TRAPPC9: variants seen among roughly 807,000 people sequenced by gnomAD.
The protein encoded by TRAPPC9 is IKK2 binding protein.
Under a neutral mutation model 124.0 loss-of-function variants are expected in TRAPPC9, and 83 were observed. The ratio of observed to expected loss-of-function variants is 0.67; its 90% CI spans 0.56 to 0.80. TRAPPC9 has a LOEUF of 0.80. TRAPPC9 is among the 30% of genes least tolerant of loss of function. The probability of loss-of-function intolerance (pLI) is 0.00; values close to 1 mark genes in which losing one functional copy is unlikely to be tolerated. For missense variants in TRAPPC9, 1,302 were observed against 1,508.3 expected (o/e 0.86, Z 2.27); for synonymous variants, 638 against 617.5 (o/e 1.03, Z -0.49).
chr8:140,231,402 A>T (rs1372795027), intron 16 of TRAPPC9, among the ~76,000 whole-genome samples: 1 of 152,160 alleles, frequency 6.6e-6, no homozygotes, highest in Non-Finnish European at 1.5e-5. Context: ...TTCCAGCAAA[A>T]AGAGAGAAAA....
At chr8:139,841,403 G>C (rs1474014572) in intron 21 of TRAPPC9, among the ~76,000 whole-genome samples, 1 of 152,256 alleles carries the variant, frequency 6.6e-6, no homozygotes, top group East Asian at 1.9e-4. Flanking sequence ...TGGGGGCACA[G>C]GAGCCTGCTG....
At chr8:140,253,934 T>G (rs937344008) in intron 15 of TRAPPC9, among the ~76,000 whole-genome samples, 11 of 152,124 alleles carry the variant, frequency 7.2e-5, no homozygotes, top group African/African-American at 2.7e-4. Context: ...CACCACAGGG[T>G]TATTTTACAG....
At chr8:140,161,391 G>A (rs765956477) in intron 17 of TRAPPC9, among the ~76,000 whole-genome samples, 1 of 146,336 alleles carries the variant, frequency 6.8e-6, no homozygotes, top group Non-Finnish European at 1.5e-5. Context: ...TAACTGAAAT[G>A]CTCAGGACCA....
At chr8:140,356,671 A>G (rs907646387) in intron 9 of TRAPPC9, among the ~76,000 whole-genome samples, 25 of 149,594 alleles carry the variant, frequency 1.7e-4, no homozygotes, top group Non-Finnish European at 3.2e-4. Context: ...GTGCAGTGGC[A>G]TGATCTCGGC....
rs1006330859 is a variant in TRAPPC9 at position 140,199,357 on chromosome 8, A to G, written c.2556+22102T>C. Among the ~76,000 whole-genome samples, 5 of 152,162 alleles carry G rather than the reference A, an allele frequency of 3.3e-5. No homozygotes were observed. In the East Asian group the frequency reaches 9.6e-4, roughly 29 times the overall value. ...TGGATACATGTAAAGACACAAATCC[A>G]GGTCTAGACCTTCCCACCTCACAGG... On this transcript the variant is annotated intron_variant, in intron 17 of 22. Transcript: ENST00000438773.
chr8:139,969,170 G>A (rs1375140197), intron 19 of TRAPPC9, among the ~76,000 whole-genome samples: 1 of 152,258 alleles, frequency 6.6e-6, no homozygotes, highest in Non-Finnish European at 1.5e-5. Flanking sequence ...ATGGGCAAAT[G>A]CCCGTTCTTA....
At chr8:140,025,457 A>C (rs1840083600) in intron 17 of TRAPPC9, among the ~76,000 whole-genome samples, 1 of 152,172 alleles carries the variant, frequency 6.6e-6, no homozygotes, top group African/African-American at 2.4e-5. Flanking sequence ...GGACCTTTAC[A>C]TCAAAGATTT....
intron 21 of TRAPPC9, among the ~76,000 whole-genome samples, chr8:139,768,654 T>C (rs1026346523): frequency 1.3e-5 from 2 of 152,248 alleles, no homozygotes; most frequent in African/African-American, 4.8e-5. Context: ...TCCGTTTTCA[T>C]TTTAATTCAT....
intron 5 of TRAPPC9, among the ~76,000 whole-genome samples, chr8:140,418,459 G>A (rs1242788217): frequency 6.6e-6 from 1 of 152,164 alleles, no homozygotes; most frequent in Non-Finnish European, 1.5e-5. Flanking sequence ...AGTGGCTCAC[G>A]CCTGTAATCC....
intron 17 of TRAPPC9, among the ~76,000 whole-genome samples, chr8:140,089,454 C>A (rs537505511): frequency 6.6e-6 from 1 of 152,134 alleles, no homozygotes; most frequent in Admixed American, 6.5e-5. Flanking sequence ...AATAAATAGT[C>A]CTACTACGTG....
chr8:140,432,299 C>A (rs1407374543), intron 4 of TRAPPC9, among the ~76,000 whole-genome samples: 1 of 152,092 alleles, frequency 6.6e-6, no homozygotes, highest in Non-Finnish European at 1.5e-5. Context: ...GTGTAACTAG[C>A]ACATACTGAA....
At chr8:140,050,962 G>C (rs923231797) in intron 17 of TRAPPC9, among the ~76,000 whole-genome samples, 1 of 152,224 alleles carries the variant, frequency 6.6e-6, no homozygotes, top group African/African-American at 2.4e-5. Context: ...TGAAGGAACG[G>C]AAGTCACCGA....
chr8:139,856,698 C>G (rs992353896), intron 21 of TRAPPC9, among the ~76,000 whole-genome samples: 4 of 148,624 alleles, frequency 2.7e-5, no homozygotes, highest in African/African-American at 1.0e-4. Flanking sequence ...CTTGCTTTCA[C>G]TGTTAATTTC....
intron 17 of TRAPPC9, among the ~76,000 whole-genome samples, chr8:140,143,558 T>C (rs1344853620): frequency 6.6e-6 from 1 of 152,256 alleles, no homozygotes; most frequent in East Asian, 1.9e-4. Context: ...AGAATCAAAC[T>C]GATCAATCTT....
intron 8 of TRAPPC9, among the ~76,000 whole-genome samples, chr8:140,370,046 A>G (rs931493312): frequency 2.0e-5 from 3 of 152,210 alleles, no homozygotes; most frequent in African/African-American, 7.2e-5. Flanking sequence ...TTTCCTGTCT[A>G]GAAGCCTATA....
At chr8:140,045,630 A>AG (rs1402915005) in intron 17 of TRAPPC9, among the ~76,000 whole-genome samples, 12 of 100,278 alleles carry the variant, frequency 1.2e-4, no homozygotes, top group South Asian at 3.9e-4. Flanking sequence ...CCATCTCGGC[A>AG]GAAAAAAAAA....
At chr8:140,402,473 T>C (rs3967850) in intron 6 of TRAPPC9, among the ~76,000 whole-genome samples, 42,003 of 150,666 alleles carry the variant, frequency 0.28, 6,749 homozygotes, top group South Asian at 0.43. Context: ...AGCAGGCAGA[T>C]TGCTTGAGCC....
intron 17 of TRAPPC9, among the ~76,000 whole-genome samples, chr8:140,204,300 AG>A (rs2062867513): frequency 6.6e-6 from 1 of 152,182 alleles, no homozygotes; most frequent in African/African-American, 2.4e-5. Flanking sequence ...GCCATAAAAA[AG>A]GATGAGTTCA....
chr8:140,042,237 A>G (rs1356394837), intron 17 of TRAPPC9, among the ~76,000 whole-genome samples: 1 of 151,752 alleles, frequency 6.6e-6, no homozygotes, highest in East Asian at 1.9e-4. Flanking sequence ...GTGTGTGTAC[A>G]AACATATACA....
Sources: allele counts gnomAD v4.1 joint callset (sites outside exome capture counted in the v4.1 genomes callset), GRCh38; gene constraint gnomAD v4.1.1; transcripts MANE v1.5; gene names NCBI Gene and HGNC (gene_info 2026-07-23, HGNC 2026-07-21).